SGCD: variants seen among roughly 807,000 people sequenced by gnomAD.
The protein encoded by SGCD is sarcoglycan delta.
In SGCD, 18 loss-of-function variants were observed where a neutral mutation model predicts 36.6. The observed-to-expected ratio is 0.49, with a 90% CI of 0.34 to 0.73. SGCD has a LOEUF of 0.73. Among genes scored for constraint, SGCD ranks in the 30% least tolerant of loss-of-function variants. The pLI is 0.01. For synonymous variants in SGCD, 133 were observed against 130.6 expected (o/e 1.02, Z -0.12); for missense variants, 387 against 346.7 (o/e 1.12, Z -0.92).
intron 1 of SGCD, among the ~76,000 whole-genome samples, chr5:155,879,558 A>T (rs1580967483): frequency 6.6e-6 from 1 of 152,172 alleles, no homozygotes; most frequent in Non-Finnish European, 1.5e-5. Flanking sequence ...TCTTGTAACA[A>T]GTAATTTTTC....
chr5:156,094,623 T>C (rs1761332109), intron 1 of SGCD, among the ~76,000 whole-genome samples: 1 of 152,308 alleles, frequency 6.6e-6, no homozygotes, highest in Non-Finnish European at 1.5e-5. Context: ...CAAATCATCT[T>C]TCTCTTAGTC....
intron 3 of SGCD, among the ~76,000 whole-genome samples, chr5:156,374,485 C>T (rs1344099223): frequency 6.6e-6 from 1 of 151,978 alleles, no homozygotes; most frequent in East Asian, 1.9e-4. Context: ...TCTCCAAGAG[C>T]AACAGAAACC....
intron 6 of SGCD, among the ~76,000 whole-genome samples, chr5:156,600,525 A>G (rs1301382097): frequency 6.6e-6 from 1 of 152,186 alleles, no homozygotes; most frequent in Non-Finnish European, 1.5e-5. Flanking sequence ...ACAGTATTCC[A>G]TTGTGTACAC....
chr5:156,241,550 C>G (rs1765308456), intron 3 of SGCD, among the ~76,000 whole-genome samples: 1 of 152,160 alleles, frequency 6.6e-6, no homozygotes, highest in Non-Finnish European at 1.5e-5. Context: ...TGATTCCAGG[C>G]TGCTCCATCC....
intron 1 of SGCD, among the ~76,000 whole-genome samples, chr5:156,029,089 C>T (rs1412661547): frequency 1.3e-5 from 2 of 152,054 alleles, no homozygotes; most frequent in Non-Finnish European, 2.9e-5. Flanking sequence ...TTCTCAACCT[C>T]ATCATCTGCT....
intron 1 of SGCD, among the ~76,000 whole-genome samples, chr5:155,927,219 A>G (rs1757010692): frequency 2.0e-5 from 3 of 152,272 alleles, no homozygotes; most frequent in Admixed American, 2.0e-4. Flanking sequence ...AGCGCTTAGA[A>G]TAATGACTGG....
At chr5:156,243,195 G>A (rs532440358) in intron 3 of SGCD, among the ~76,000 whole-genome samples, 2 of 152,344 alleles carry the variant, frequency 1.3e-5, no homozygotes, top group Non-Finnish European at 2.9e-5. Context: ...CTGAGAAGAG[G>A]TCTATGCTCA....
intron 3 of SGCD, among the ~76,000 whole-genome samples, chr5:156,220,732 A>G (rs1319935569): frequency 2.0e-5 from 3 of 152,140 alleles, no homozygotes; most frequent in African/African-American, 4.8e-5. Context: ...ACATTTGGCT[A>G]CATATCAGCC....
chr5:156,060,804 A>G (rs1760184349), intron 1 of SGCD, among the ~76,000 whole-genome samples: 1 of 146,132 alleles, frequency 6.8e-6, no homozygotes, highest in Non-Finnish European at 1.5e-5. Flanking sequence ...AAACTAAAAG[A>G]TTGACATTAA....
At chr5:155,809,664 A>G in the SGCD span, among the ~76,000 whole-genome samples, 2 of 152,188 alleles carry the variant, frequency 1.3e-5, no homozygotes, top group Non-Finnish European at 1.5e-5. Flanking sequence ...GAAAGAGAGG[A>G]GGGAGGTGGA....
chr5:156,259,148 T>TTATG (rs1300586264), intron 3 of SGCD, among the ~76,000 whole-genome samples: 3 of 151,386 alleles, frequency 2.0e-5, no homozygotes, highest in African/African-American at 7.3e-5. Context: ...ATTTATTTAT[T>TTATG]TATTTTAACC....
chr5:155,942,544 TCTGGTTGAC>T (rs1224987106), intron 1 of SGCD, among the ~76,000 whole-genome samples: 2 of 152,144 alleles, frequency 1.3e-5, no homozygotes. Flanking sequence ...TTGTCAAATC[TCTGGTTGAC>T]CCCTAAACTA....
intron 3 of SGCD, among the ~76,000 whole-genome samples, chr5:156,152,247 T>C (rs1013764890): frequency 6.6e-6 from 1 of 151,664 alleles, no homozygotes; most frequent in African/African-American, 2.4e-5. Flanking sequence ...GACTAAGACA[T>C]TGACCTTACT....
chr5:155,908,090 A>G (rs1334856621), intron 1 of SGCD, among the ~76,000 whole-genome samples: 1 of 152,190 alleles, frequency 6.6e-6, no homozygotes. Context: ...GAAGGCTCAG[A>G]TGATCATTAG....
intron 3 of SGCD, among the ~76,000 whole-genome samples, chr5:156,281,587 A>C (rs1766454809): frequency 6.6e-6 from 1 of 152,226 alleles, no homozygotes; most frequent in Admixed American, 6.5e-5. Flanking sequence ...AGTGAACAAA[A>C]TAGATCTCTC....
At chr5:156,217,143 G>A (rs1022676857) in intron 3 of SGCD, among the ~76,000 whole-genome samples, 1 of 152,246 alleles carries the variant, frequency 6.6e-6, no homozygotes, top group East Asian at 1.9e-4. Context: ...AATAGTAAGA[G>A]TTCTTAGACC....
intron 3 of SGCD, among the ~76,000 whole-genome samples, chr5:156,445,109 C>T (rs1219588452): frequency 6.6e-6 from 1 of 152,130 alleles, no homozygotes; most frequent in African/African-American, 2.4e-5. Flanking sequence ...TTTCCTTTGC[C>T]ACTGAGAAGC....
the SGCD span, among the ~76,000 whole-genome samples, chr5:155,829,146 C>T: frequency 6.6e-6 from 1 of 152,102 alleles, no homozygotes; most frequent in East Asian, 1.9e-4. Flanking sequence ...AAAAAAGTCT[C>T]CCATGAGTTG....
intron 3 of SGCD, among the ~76,000 whole-genome samples, chr5:156,264,642 A>G (rs757045316): frequency 3.1e-4 from 47 of 152,096 alleles, no homozygotes; most frequent in Non-Finnish European, 5.6e-4. Flanking sequence ...TTTAAATTAG[A>G]TAATGCATTA....
Sources: allele counts gnomAD v4.1 joint callset (sites outside exome capture counted in the v4.1 genomes callset), GRCh38; gene constraint gnomAD v4.1.1; transcripts MANE v1.5; gene names NCBI Gene and HGNC (gene_info 2026-07-23, HGNC 2026-07-21).